MALRD1: variants seen among roughly 807,000 people sequenced by gnomAD.
The protein encoded by MALRD1 is MAM and LDL receptor class A domain containing 1.
In MALRD1, 247 loss-of-function variants were observed where a neutral mutation model predicts 242.1. That is an observed-to-expected ratio of 1.02 (90% CI 0.92 to 1.13). The LOEUF (loss-of-function observed/expected upper bound fraction) is 1.13. Among genes scored for constraint, MALRD1 ranks in the 50% most tolerant of loss-of-function variants. The pLI is 0.00. For missense variants in MALRD1, 2,989 were observed against 2,533.1 expected, an observed-to-expected ratio of 1.18 and a Z score of -3.86; for synonymous variants, 995 against 866.6, an observed-to-expected ratio of 1.15 and a Z score of -2.60.
At chr10:19,236,293 C>T (rs1235640820) in intron 18 of MALRD1, among the ~76,000 whole-genome samples, 14 of 152,188 alleles carry the variant, frequency 9.2e-5, no homozygotes, top group Non-Finnish European at 1.5e-5. Context: ...TGATATGACA[C>T]TTACCTGGAA....
chr10:19,268,421 C>A (rs1004213852), intron 19 of MALRD1, among the ~76,000 whole-genome samples: 1 of 152,076 alleles, frequency 6.6e-6, no homozygotes, highest in Non-Finnish European at 1.5e-5. Flanking sequence ...GTGAGTATAA[C>A]TCCAAGTTAT....
rs931469498 is a variant in MALRD1, at chr10:19,171,772, GAT to G, written c.1831-3427_1831-3426del. ...TATACGATATATATACACATATATT[GAT>G]ATATATATCATATATACATATATGT... On this transcript the variant is annotated intron_variant, in intron 13 of 39. Transcript: ENST00000454679. 1.4e-4 allele frequency among the ~76,000 whole-genome samples: 20 copies of G among 139,288 alleles called. 1 individual carries two copies. In the East Asian group the frequency reaches 3.0e-3, roughly 21 times the overall value. 91.4% of individuals were successfully genotyped at this position (139,288 alleles called of 152,430 possible).
chr10:19,410,782 A>T (rs141091332), intron 28 of MALRD1, among the ~76,000 whole-genome samples: 1 of 151,742 alleles, frequency 6.6e-6, no homozygotes, highest in East Asian at 1.9e-4. Flanking sequence ...ATTAACTAAT[A>T]TTCTAGAAAT....
intron 28 of MALRD1, among the ~76,000 whole-genome samples, chr10:19,423,419 G>C (rs947168446): frequency 1.3e-5 from 2 of 151,848 alleles, no homozygotes; most frequent in African/African-American, 4.8e-5. Flanking sequence ...TATATTAAAT[G>C]ATAGGTAGAT....
chr10:19,065,534 TG>T (rs962351505), intron 1 of MALRD1, among the ~76,000 whole-genome samples: 22 of 152,116 alleles, frequency 1.4e-4, no homozygotes, highest in African/African-American at 5.1e-4. Context: ...GATCCTATTT[TG>T]GTCAGCAGAG....
At chr10:19,157,406 C>T (rs182909694) in intron 12 of MALRD1, among the ~76,000 whole-genome samples, 35 of 151,916 alleles carry the variant, frequency 2.3e-4, no homozygotes, top group African/African-American at 8.2e-4. Flanking sequence ...CACACCACTC[C>T]CGGCTAATTT....
chr10:19,137,036 C>T (rs1382147869), intron 10 of MALRD1, among the ~76,000 whole-genome samples: 1 of 152,066 alleles, frequency 6.6e-6, no homozygotes, highest in Non-Finnish European at 1.5e-5. Context: ...TTATTGTTGG[C>T]TGGGTGTGCG....
At chr10:19,468,147 C>A (rs1037511255) in intron 29 of MALRD1, among the ~76,000 whole-genome samples, 5 of 152,110 alleles carry the variant, frequency 3.3e-5, no homozygotes, top group Admixed American at 6.5e-5. Context: ...AAGAGAACAT[C>A]CTGTATTCAT....
chr10:19,353,256 C>T (rs1471712773), intron 26 of MALRD1, among the ~76,000 whole-genome samples: 7 of 152,210 alleles, frequency 4.6e-5, no homozygotes, highest in Non-Finnish European at 1.0e-4. Context: ...ATCCACCTGC[C>T]TTGGCCTCCC....
chr10:19,164,911 A>G (rs886159873), intron 12 of MALRD1, among the ~76,000 whole-genome samples: 7 of 152,066 alleles, frequency 4.6e-5, no homozygotes, highest in African/African-American at 1.4e-4. Context: ...ACTTGGCTCA[A>G]TTATTGATGA....
chr10:19,721,330 A>G (rs1236075771), intron 38 of MALRD1, among the ~76,000 whole-genome samples: 1 of 152,206 alleles, frequency 6.6e-6, no homozygotes, highest in African/African-American at 2.4e-5. Context: ...AGACTTTAAA[A>G]TGAGAGAGGT....
chr10:19,290,836 G>T (rs924668534), intron 21 of MALRD1, among the ~76,000 whole-genome samples: 1 of 152,028 alleles, frequency 6.6e-6, no homozygotes, highest in Non-Finnish European at 1.5e-5. Flanking sequence ...TTAGAATACT[G>T]TATATTTGCA....
chr10:19,308,146 T>A (rs1323092709), intron 21 of MALRD1, among the ~76,000 whole-genome samples: 10 of 151,508 alleles, frequency 6.6e-5, no homozygotes, highest in Non-Finnish European at 5.9e-5. Context: ...ATTTTTTTTA[T>A]ACTCATTAAC....
rs183310563 is a variant in MALRD1, at chr10:19,327,335, C to T, written c.3577-228C>T. Among the ~76,000 whole-genome samples, 394 of 152,174 alleles carry T rather than the reference C, an allele frequency of 2.6e-3. 2 individuals carry two copies. Among genetic ancestry groups the T allele is most frequent in the Non-Finnish European group, 4.6e-3 (315 of 67,992 alleles). On this transcript the variant is annotated intron_variant, in intron 22 of 39. Coordinates refer to ENST00000454679, the MANE Select transcript of MALRD1 (RefSeq NM_001142308.3). ...GGTGCCCAGATACCTTAGGACTTGA[C>T]TGACAGATATTCATGCACATCTTTA... is the stretch of plus-strand genomic sequence containing the variant.
intron 18 of MALRD1, among the ~76,000 whole-genome samples, chr10:19,225,837 A>G (rs554651082): frequency 3.3e-5 from 5 of 152,248 alleles, no homozygotes; most frequent in African/African-American, 9.6e-5. Context: ...TTGCTCTCCT[A>G]TATTTCTATC....
chr10:19,360,496 A>G (rs576849055), intron 26 of MALRD1, among the ~76,000 whole-genome samples: 2 of 152,018 alleles, frequency 1.3e-5, no homozygotes, highest in East Asian at 1.9e-4. Context: ...TAGATTGTCT[A>G]CCCATCCCTG....
chr10:19,600,991 C>A (rs905707007), intron 34 of MALRD1, among the ~76,000 whole-genome samples: 4 of 151,944 alleles, frequency 2.6e-5, no homozygotes, highest in African/African-American at 7.2e-5. Context: ...CTCAAGCAAT[C>A]CCCCCACCTT....
chr10:19,348,485 C>A (rs1844228889), intron 25 of MALRD1, among the ~76,000 whole-genome samples: 1 of 151,692 alleles, frequency 6.6e-6, no homozygotes. Flanking sequence ...TCATGAAAAA[C>A]AAAACAAAAA....
intron 27 of MALRD1, chr10:19,389,099 C>CT (rs1434433954): frequency 6.6e-5 from 24 of 365,066 alleles, no homozygotes; most frequent in African/African-American, 3.0e-4. Context: ...CCATATCACT[C>CT]TTTTTTTTAG....
Sources: allele counts gnomAD v4.1 joint callset (sites outside exome capture counted in the v4.1 genomes callset), GRCh38; gene constraint gnomAD v4.1.1; transcripts MANE v1.5; gene names NCBI Gene and HGNC (gene_info 2026-07-23, HGNC 2026-07-21).